The following FBL variants were observed in gnomAD, a reference collection of about 807,000 sequenced individuals.
The protein encoded by FBL is rRNA 2'-O-methyltransferase fibrillarin.
FBL carries 10 observed loss-of-function variants against 42.2 expected under a neutral mutation model. That is an observed-to-expected ratio of 0.24 (90% CI 0.15 to 0.40). FBL has a LOEUF of 0.40. Among genes scored for constraint, FBL ranks in the 10% least tolerant of loss-of-function variants. The probability of loss-of-function intolerance (pLI) is 1.00; values close to 1 mark genes in which losing one functional copy is unlikely to be tolerated. For missense variants in FBL, 351 were observed against 439.2 expected, an observed-to-expected ratio of 0.80 and a Z score of 1.79; for synonymous variants, 165 against 165.4, an observed-to-expected ratio of 1.00 and a Z score of 0.02.
At chr19:39,842,009 TA>T (rs773718563) in intron 1 of FBL, among the ~76,000 whole-genome samples, 1 of 151,198 alleles carries the variant, frequency 6.6e-6, no homozygotes, top group African/African-American at 2.4e-5. Flanking sequence ...TCACACAAGT[TA>T]AAAAAAATAG....
rs192810959 is a variant in FBL, at chr19:39,840,112, T to C, written c.378+121A>G. On this transcript the variant is annotated intron_variant, in intron 4 of 8. Transcript: ENST00000221801. This position sits in a 1 kb window ranked among gnomAD's most constrained non-coding sequence, Gnocchi z 4.5. ...GCGGATGAGGGAGCAGACAGTGTGG[T>C]TTACATATTATGACAATCCTCCAGC... 1.1e-3 allele frequency: 762 copies of C among 724,730 alleles called. 7 individuals are homozygous for C. The African/African-American group carries it at 0.012, about 11-fold the overall frequency. The allele number at this position is 724,730 out of a possible 1,614,324, so 44.9% of individuals were successfully genotyped here.
chr19:39,842,887 G>C (rs1010412848), intron 1 of FBL, among the ~76,000 whole-genome samples: 5 of 152,036 alleles, frequency 3.3e-5, no homozygotes, highest in Non-Finnish European at 5.9e-5. Flanking sequence ...TTCTCTTTAT[G>C]CTGGGCCCCA....
At chr19:39,845,233 G>C (rs142140640) in intron 1 of FBL, among the ~76,000 whole-genome samples, 286 of 152,298 alleles carry the variant, frequency 1.9e-3, no homozygotes, top group African/African-American at 6.7e-3. Context: ...ACACAGATGA[G>C]TGCGGGTTGG....
intron 8 of FBL, 41 bp downstream of exon 8, chr19:39,834,627 C>T: frequency 6.2e-7 from 1 of 1,614,108 alleles, no homozygotes; most frequent in Non-Finnish European, 8.5e-7. Flanking sequence ...GTGCAAGGGA[C>T]AGAGATGTCT....
intron 1 of FBL, 40 bp downstream of exon 1, chr19:39,846,251 G>A (rs1311813919): frequency 1.2e-6 from 2 of 1,612,340 alleles, no homozygotes; most frequent in Non-Finnish European, 1.7e-6. Flanking sequence ...ATTCCCGCCC[G>A]GCCTCCGTCC....
Position 39,836,266 on chromosome 19 carries a change from C to T in FBL, c.795+290G>A, listed in dbSNP as rs1969046907. Among the ~76,000 whole-genome samples the T allele has an allele frequency of 2.0e-5, 3 of 151,866 alleles. No homozygotes were observed. The South Asian group carries it at 6.3e-4, about 32-fold the overall frequency. On this transcript the variant is annotated intron_variant, in intron 7 of 8. Transcript: ENST00000221801. ...TTCATATTATATTGACTAATTTGAT[C>T]CTGTCATCTACCCTGAAAAAGACTA... is the stretch of plus-strand genomic sequence containing the variant.
intron 7 of FBL, 29 bp downstream of exon 7, chr19:39,836,527 C>G (rs1385445637): frequency 6.8e-7 from 1 of 1,474,136 alleles, no homozygotes; most frequent in Non-Finnish European, 9.5e-7. Context: ...ACACTGCCAC[C>G]CCATCTTAGA....
intron 1 of FBL, among the ~76,000 whole-genome samples, chr19:39,843,690 G>C (rs756039637): frequency 4.5e-4 from 69 of 152,272 alleles, no homozygotes; most frequent in Admixed American, 5.9e-4. Context: ...AGCATCAATT[G>C]AACACAGGCG....
rs766623611 is a variant in FBL, at chr19:39,843,749, CAG to C, written c.10+2540_10+2541del. 3.9e-5 allele frequency among the ~76,000 whole-genome samples: 6 copies of C among 152,298 alleles called. No homozygotes were observed. The East Asian group carries it at 5.8e-4, about 15-fold the overall frequency. ...TGCCACTGCACTCCAGCCTGGGTGA[CAG>C]AGAGAGATTCTGTATCAAAAAAATA... On this transcript the variant is annotated intron_variant, in intron 1 of 8. Coordinates refer to ENST00000221801, the MANE Select transcript of FBL (RefSeq NM_001436.4).
chr19:39,839,621 G>A (rs757838712), intron 4 of FBL, among the ~76,000 whole-genome samples: 9 of 152,054 alleles, frequency 5.9e-5, no homozygotes, highest in East Asian at 1.9e-4. Context: ...GAGAAGATAC[G>A]GAGTTTGGGA....
At chr19:39,843,412 C>T (rs529986509) in intron 1 of FBL, among the ~76,000 whole-genome samples, 2 of 152,244 alleles carry the variant, frequency 1.3e-5, no homozygotes, top group African/African-American at 4.8e-5. Flanking sequence ...GTTGCTGCCA[C>T]TCTCGACCCT....
At chr19:39,844,797 T>A (rs553037105) in intron 1 of FBL, among the ~76,000 whole-genome samples, 2 of 152,328 alleles carry the variant, frequency 1.3e-5, no homozygotes, top group South Asian at 4.1e-4. Flanking sequence ...CTTTTAAAAA[T>A]GTCAGACTGC....
rs1299792968 is a variant in FBL at position 39,837,814 on chromosome 19, G to A, written c.579C>T (p.Ser193=). Residue 193 remains serine (S), a synonymous_variant, in exon 6 of 9, where the codon TCC becomes TCT. Coordinates refer to ENST00000221801, the MANE Select transcript of FBL (RefSeq NM_001436.4). ...PDGLVYAVEF[S]HRSGRDLINL... ...TAATGAGGTCACGGCCAGAGCGGTG[G>A]GAGAACTCGACTGCATAGACTAGAC... is the stretch of plus-strand genomic sequence containing the variant. 3.1e-6 allele frequency: 5 copies of A among 1,613,036 alleles called. No individual in the cohort carries two copies. The highest frequency in any genetic ancestry group is 4.2e-6 in the Non-Finnish European group (5 of 1,179,668).
intron 7 of FBL, among the ~76,000 whole-genome samples, chr19:39,835,097 C>T (rs1429596346): frequency 2.0e-5 from 3 of 152,202 alleles, no homozygotes; most frequent in African/African-American, 7.2e-5. Flanking sequence ...ATTATGCCCC[C>T]TTTCTATCTT....
At chr19:39,843,287 C>G (rs1969194837) in intron 1 of FBL, among the ~76,000 whole-genome samples, 1 of 152,162 alleles carries the variant, frequency 6.6e-6, no homozygotes, top group Non-Finnish European at 1.5e-5. Context: ...ACCCTGGGCC[C>G]TGCCTCAAGG....
chr19:39,845,601 CT>C (rs1340181760), intron 1 of FBL, among the ~76,000 whole-genome samples: 1 of 152,182 alleles, frequency 6.6e-6, no homozygotes, highest in Non-Finnish European at 1.5e-5. Flanking sequence ...TACTTACCTC[CT>C]GTGACAACCA....
Position 39,840,649 on chromosome 19 carries a change from C to T in FBL, c.149G>A (p.Gly50Asp). The T allele has an allele frequency of 6.2e-7, 1 of 1,611,822 alleles. No homozygotes were observed. The highest frequency in any genetic ancestry group is 8.5e-7 in the Non-Finnish European group (1 of 1,179,030). ...FRGRGRGGGG[G>D]GGGGGGGGRG... is the part of the protein sequence containing the mutation. ...TCCTCCTCCTCCACCGCCGCCGCCG[C>T]CTCCACCTCCTCCTCGTCCACGACC... Residue 50 changes from glycine (G) to aspartate (D), a missense_variant, in exon 2 of 9, where the codon GGC (glycine) becomes GAC (aspartate). Physicochemically the swap from Gly to Asp is moderately conservative, Grantham distance 94 (BLOSUM62 -1). Coordinates refer to ENST00000221801, the MANE Select transcript of FBL (RefSeq NM_001436.4). The surrounding 1 kb of genome is among the most constrained non-coding windows in gnomAD (Gnocchi z 4.5).
Position 39,837,704 on chromosome 19 carries a change from C to T in FBL, c.682+7G>A. On this transcript the variant is annotated splice_region_variant and intron_variant, in intron 6 of 8. Transcript: ENST00000221801. ...TACCCCACCGGGGCCACCCCCAGAC[C>T]CCTCACCGATGAGCATGCGGTATTT... 2 of 1,562,628 alleles carry T rather than the reference C, an allele frequency of 1.3e-6. No homozygotes were observed. Among genetic ancestry groups the T allele is most frequent in the Non-Finnish European group, 1.7e-6 (2 of 1,157,446 alleles).
rs747148798 is a variant in FBL, at chr19:39,846,329, G to C, written c.-29C>G. 1 of 1,612,752 alleles carries C rather than the reference G, an allele frequency of 6.2e-7. No individual in the cohort carries two copies. On this transcript the variant is annotated 5_prime_UTR_variant, in exon 1 of 9. Coordinates refer to ENST00000221801, the MANE Select transcript of FBL (RefSeq NM_001436.4). ...GAGCCCTGGTTTGTGCGGCTCCGGA[G>C]TCCGCGGCGTTCACAACTCCACGAG...
Sources: gnomAD v4.1 joint callset for allele counts (sites outside exome capture counted in the v4.1 genomes callset) on GRCh38, gnomAD v4.1.1 for gene constraint, Gnocchi (gnomAD v3.1) non-coding constraint, MANE v1.5 for transcripts, NCBI Gene and HGNC (gene_info 2026-07-23, HGNC 2026-07-21) for gene names.